The following KHDRBS2 variants were observed in gnomAD, a reference collection of about 807,000 sequenced individuals.
KHDRBS2 encodes the protein KH domain-containing, RNA-binding, signal transduction-associated protein 2.
Under a neutral mutation model 44.3 loss-of-function variants are expected in KHDRBS2, and 26 were observed. The ratio of observed to expected loss-of-function variants is 0.59; its 90% CI spans 0.43 to 0.81. KHDRBS2 has a LOEUF of 0.81. Ranked by LOEUF, KHDRBS2 falls within the 40% of genes least tolerant of loss-of-function variation. KHDRBS2 has a pLI of 0.00. For missense variants in KHDRBS2, 476 were observed against 433.1 expected, an observed-to-expected ratio of 1.10 and a Z score of -0.88; for synonymous variants, 194 against 151.1, an observed-to-expected ratio of 1.28 and a Z score of -2.08.
the KHDRBS2 span, among the ~76,000 whole-genome samples, chr6:61,607,520 C>CAAAAAAAAAAAAA: frequency 0.01 from 423 of 41,040 alleles, 100 homozygotes; most frequent in Admixed American, 0.016. Flanking sequence ...GAGTTCCAAG[C>CAAAAAAAAAAAAA]AAAAAAAAAA....
At chr6:62,236,274 A>G (rs1308975292) in intron 1 of KHDRBS2, among the ~76,000 whole-genome samples, 1 of 151,960 alleles carries the variant, frequency 6.6e-6, no homozygotes, top group African/African-American at 2.4e-5. Flanking sequence ...GTGGAGAAAA[A>G]CTCTTCAGAT....
intron 1 of KHDRBS2, among the ~76,000 whole-genome samples, chr6:62,221,527 C>T (rs1326752831): frequency 6.6e-6 from 1 of 151,946 alleles, no homozygotes; most frequent in Admixed American, 6.6e-5. Flanking sequence ...ATTCTATTAA[C>T]CATTTTGTTA....
chr6:62,068,474 T>A (rs572521096), intron 2 of KHDRBS2, among the ~76,000 whole-genome samples: 5 of 151,724 alleles, frequency 3.3e-5, no homozygotes, highest in Non-Finnish European at 7.4e-5. Context: ...TTTCATTTTC[T>A]TGACGGCTGT....
chr6:61,930,566 A>AAAAAAAAAAAAAAAC, intron 4 of KHDRBS2, among the ~76,000 whole-genome samples: 2 of 129,390 alleles, frequency 1.5e-5, no homozygotes, highest in African/African-American at 2.8e-5. Context: ...AAAAAAAAAA[A>AAAAAAAAAAAAAAAC]AGGCTAGTCT....
the KHDRBS2 span, among the ~76,000 whole-genome samples, chr6:61,588,384 T>C: frequency 6.6e-6 from 1 of 152,194 alleles, no homozygotes; most frequent in African/African-American, 2.4e-5. Flanking sequence ...TAAGAAAAAT[T>C]AAAGTTTCTT....
chr6:62,157,665 TATC>T (rs1816756912), intron 2 of KHDRBS2, among the ~76,000 whole-genome samples: 3 of 152,334 alleles, frequency 2.0e-5, no homozygotes, highest in South Asian at 4.1e-4. Flanking sequence ...ATATAATTTT[TATC>T]ATTTCATTAT....
intron 4 of KHDRBS2, among the ~76,000 whole-genome samples, chr6:61,902,010 C>T (rs1477831889): frequency 2.0e-5 from 3 of 152,034 alleles, no homozygotes; most frequent in East Asian, 3.9e-4. Context: ...CGCTGGAGTA[C>T]AGTGGCATGA....
chr6:61,581,621 C>A, the KHDRBS2 span, among the ~76,000 whole-genome samples: 1 of 147,522 alleles, frequency 6.8e-6, no homozygotes, highest in African/African-American at 2.5e-5. Flanking sequence ...ATATAATATA[C>A]AATATACATT....
chr6:61,681,091 C>T (rs750795262), intron 8 of KHDRBS2, 31 bp from the exon 9 acceptor site: 1 of 1,435,830 alleles, frequency 7.0e-7, no homozygotes, highest in Admixed American at 1.7e-5. Flanking sequence ...GTAACACACA[C>T]ATGACTTCAC....
intron 3 of KHDRBS2, among the ~76,000 whole-genome samples, chr6:61,982,454 G>A (rs372979550): frequency 6.6e-6 from 1 of 151,872 alleles, no homozygotes; most frequent in Non-Finnish European, 1.5e-5. Context: ...GGCGGATCAC[G>A]AGGTCAGGAG....
At chr6:62,124,484 A>C (rs145311478) in intron 2 of KHDRBS2, among the ~76,000 whole-genome samples, 95 of 152,110 alleles carry the variant, frequency 6.2e-4, no homozygotes, top group African/African-American at 2.2e-3. Context: ...TTTGTGTCTT[A>C]TTAACATATT....
chr6:61,657,317 C>T, the KHDRBS2 span, among the ~76,000 whole-genome samples: 5 of 152,008 alleles, frequency 3.3e-5, no homozygotes, highest in African/African-American at 9.7e-5. Flanking sequence ...CATCAAGTCA[C>T]CGTACTATTT....
intron 1 of KHDRBS2, among the ~76,000 whole-genome samples, chr6:62,248,956 T>C (rs1411675565): frequency 2.6e-5 from 4 of 152,110 alleles, no homozygotes; most frequent in Non-Finnish European, 4.4e-5. Context: ...AAAACTAGCA[T>C]AGATGCTATC....
chr6:62,046,096 T>A (rs546237591), intron 3 of KHDRBS2, among the ~76,000 whole-genome samples: 1 of 151,960 alleles, frequency 6.6e-6, no homozygotes, highest in East Asian at 1.9e-4. Flanking sequence ...TAGTCAAACA[T>A]GATGGATCAC....
intron 4 of KHDRBS2, among the ~76,000 whole-genome samples, chr6:61,974,621 ACT>A (rs780613532): frequency 7.2e-5 from 6 of 83,738 alleles, no homozygotes; most frequent in Non-Finnish European, 1.4e-4. Context: ...GACCCTTGAC[ACT>A]CTATTTGTTT....
At chr6:61,752,286 G>T (rs766140490) in intron 6 of KHDRBS2, among the ~76,000 whole-genome samples, 1 of 152,090 alleles carries the variant, frequency 6.6e-6, no homozygotes, top group African/African-American at 2.4e-5. Flanking sequence ...TGTTCTGCAA[G>T]ATAAGGATGA....
chr6:61,834,974 C>T (rs1483480587), intron 6 of KHDRBS2, among the ~76,000 whole-genome samples: 1 of 151,934 alleles, frequency 6.6e-6, no homozygotes, highest in Non-Finnish European at 1.5e-5. Flanking sequence ...ACATTAAATT[C>T]CCACAATGAG....
chr6:62,132,623 G>T (rs534353360), intron 2 of KHDRBS2, among the ~76,000 whole-genome samples: 1 of 152,178 alleles, frequency 6.6e-6, no homozygotes, highest in East Asian at 1.9e-4. Flanking sequence ...GTTTTTCTAT[G>T]GTTTTAGGCT....
intron 1 of KHDRBS2, among the ~76,000 whole-genome samples, chr6:62,244,634 G>A (rs140741553): frequency 3.9e-5 from 6 of 152,112 alleles, no homozygotes; most frequent in Non-Finnish European, 8.8e-5. Flanking sequence ...TTTTAGGCAG[G>A]TGAATTGAGT....
Sources: allele counts gnomAD v4.1 joint callset (sites outside exome capture counted in the v4.1 genomes callset), GRCh38; gene constraint gnomAD v4.1.1; transcripts MANE v1.5; gene names NCBI Gene and HGNC (gene_info 2026-07-23, HGNC 2026-07-21).